The following ARHGAP39 variants were observed in gnomAD, a reference collection of about 807,000 sequenced individuals.
The protein encoded by ARHGAP39 is Rho GTPase activating protein 39, also known as rho GTPase-activating protein 39.
ARHGAP39 carries 44 observed loss-of-function variants against 106.9 expected under a neutral mutation model. The observed-to-expected ratio is 0.41, with a 90% CI of 0.32 to 0.53. The LOEUF is 0.53. ARHGAP39 is among the 20% of genes least tolerant of loss of function. The probability of loss-of-function intolerance (pLI) is 0.21; values close to 1 mark genes in which losing one functional copy is unlikely to be tolerated. For missense variants in ARHGAP39, 1,496 were observed against 1,577.3 expected, an observed-to-expected ratio of 0.95 and a Z score of 0.87; for synonymous variants, 768 against 693.2, an observed-to-expected ratio of 1.11 and a Z score of -1.69.
chr8:144,665,524 G>A (rs190171191), intron 1 of ARHGAP39, among the ~76,000 whole-genome samples: 168 of 152,330 alleles, frequency 1.1e-3, no homozygotes, highest in African/African-American at 3.5e-3. Flanking sequence ...AAGTAGTTTT[G>A]TGGGCCAGGC....
rs568091668 is a variant in ARHGAP39, at chr8:144,596,781, G to A, written c.80+8754C>T. On this transcript the variant is annotated intron_variant, in intron 2 of 11. Coordinates refer to ENST00000377307, the MANE Select transcript of ARHGAP39 (RefSeq NM_025251.3). ...CACAGACAGAGGACCCACTGGTGCCGCAGGACCTGGCACGTGCTGCAGGAG... is the reference window on the plus strand; with the variant it reads ...CACAGACAGAGGACCCACTGGTGCCACAGGACCTGGCACGTGCTGCAGGAG... 5.9e-5 allele frequency among the ~76,000 whole-genome samples: 9 copies of A among 152,332 alleles called. 1 individual carries two copies. In the South Asian group the frequency reaches 1.7e-3, roughly 28 times the overall value.
intron 6 of ARHGAP39, among the ~76,000 whole-genome samples, chr8:144,539,588 A>G (rs1191699825): frequency 1.3e-5 from 2 of 152,206 alleles, no homozygotes; most frequent in Non-Finnish European, 2.9e-5. Context: ...TTTTGTGTAC[A>G]CTTCAAAATA....
At chr8:144,580,725 G>T (rs1235373598) in intron 3 of ARHGAP39, 121 bp downstream of exon 3, 1 of 1,020,898 alleles carries the variant, frequency 9.8e-7, no homozygotes, top group Admixed American at 5.7e-5. Context: ...ACCTGGCCCC[G>T]CCCACCACCT....
At position 144,577,821 on chromosome 8, in the gene ARHGAP39, T is replaced by G. The variant is rs190873295; in HGVS notation, c.512+3025A>C. On this transcript the variant is annotated intron_variant, in intron 3 of 11. Coordinates refer to ENST00000377307, the MANE Select transcript of ARHGAP39 (RefSeq NM_025251.3). ...CTAGGAAGAAACTTTACCAGGGAGGTGAAAGGACTGTAAACTAGAAAATAT... is the reference window on the plus strand; with the variant it reads ...CTAGGAAGAAACTTTACCAGGGAGGGGAAAGGACTGTAAACTAGAAAATAT... Among the ~76,000 whole-genome samples, 4 of 151,896 alleles carry G rather than the reference T, an allele frequency of 2.6e-5. No individual in the cohort carries two copies. The East Asian group carries it at 7.7e-4, about 29-fold the overall frequency.
Position 144,620,063 on chromosome 8 carries a change from CGT to C in ARHGAP39, c.-81-14370_-81-14369del, listed in dbSNP as rs921844469. Among the ~76,000 whole-genome samples the C allele has an allele frequency of 2.7e-4, 37 of 135,308 alleles. 1 individual carries two copies. The highest frequency in any genetic ancestry group is 3.8e-4 in the Admixed American group (5 of 13,162). 88.8% of individuals were successfully genotyped at this position (135,308 alleles called of 152,430 possible). On this transcript the variant is annotated intron_variant, in intron 1 of 11. Transcript: ENST00000377307. ...TTGTGTGCCTGTGCGTCCCTGAGAG[CGT>C]GTCTGTGTGTGCCCGAGTGTGCGTT...
chr8:144,601,681 T>G (rs1356431645), intron 2 of ARHGAP39, among the ~76,000 whole-genome samples: 1 of 136,826 alleles, frequency 7.3e-6, no homozygotes, highest in Non-Finnish European at 1.5e-5. Context: ...TGCGAGCTCA[T>G]GTACCTGTGT....
chr8:144,690,832 T>G (rs1178065752), upstream of ARHGAP39, among the ~76,000 whole-genome samples: 1 of 144,534 alleles, frequency 6.9e-6, no homozygotes, highest in Non-Finnish European at 1.5e-5. Flanking sequence ...TTTTTTTTTG[T>G]AGTTTTGTAG....
At chr8:144,636,556 C>T (rs1821177436) in intron 1 of ARHGAP39, among the ~76,000 whole-genome samples, 1 of 152,214 alleles carries the variant, frequency 6.6e-6, no homozygotes, top group African/African-American at 2.4e-5. Flanking sequence ...GGGCGGGACG[C>T]CTGGTACATC....
chr8:144,552,022 G>A (rs906920565), intron 4 of ARHGAP39, among the ~76,000 whole-genome samples: 4 of 152,194 alleles, frequency 2.6e-5, no homozygotes, highest in Non-Finnish European at 4.4e-5. Context: ...TAGGGCAGGG[G>A]CACCAGAGCA....
At chr8:144,659,598 G>A (rs969270633) in intron 1 of ARHGAP39, among the ~76,000 whole-genome samples, 1 of 152,190 alleles carries the variant, frequency 6.6e-6, no homozygotes, top group Non-Finnish European at 1.5e-5. Context: ...TTAATTGGAG[G>A]ACATTTTCTA....
At chr8:144,694,639 A>T in the ARHGAP39 span, among the ~76,000 whole-genome samples, 2 of 152,204 alleles carry the variant, frequency 1.3e-5, no homozygotes, top group African/African-American at 2.4e-5. Context: ...CCTTTGTGTT[A>T]TGCACCTGCT....
At chr8:144,595,125 C>T (rs955354383) in intron 2 of ARHGAP39, among the ~76,000 whole-genome samples, 2 of 152,200 alleles carry the variant, frequency 1.3e-5, no homozygotes, top group Non-Finnish European at 2.9e-5. Flanking sequence ...AACGTCTTCA[C>T]ACAGAAATCT....
rs951339639 is a variant in ARHGAP39 at position 144,548,553 on chromosome 8, C to T, written c.597-64G>A. The stretch of plus-strand genomic sequence containing the variant: ...TGCTGCTTCTGGGCACGCCCCACCC[C>T]CTCGGGGGCTGTAGGCAGCGGCTCC... On this transcript the variant is annotated intron_variant, in intron 4 of 11. Transcript: ENST00000377307. This position sits in a 1 kb window ranked among gnomAD's most constrained non-coding sequence, Gnocchi z 7.4. The T allele has an allele frequency of 1.3e-6, 2 of 1,548,234 alleles. No homozygotes were observed. Among genetic ancestry groups the T allele is most frequent in the Non-Finnish European group, 1.7e-6 (2 of 1,151,058 alleles).
At chr8:144,589,929 G>A (rs931462627) in intron 2 of ARHGAP39, among the ~76,000 whole-genome samples, 3 of 152,230 alleles carry the variant, frequency 2.0e-5, no homozygotes, top group Non-Finnish European at 2.9e-5. Context: ...ATGCGTGGGA[G>A]CCCCGCCCAC....
chr8:144,550,306 C>T (rs558410747), intron 4 of ARHGAP39, among the ~76,000 whole-genome samples: 1 of 151,248 alleles, frequency 6.6e-6, no homozygotes, highest in Non-Finnish European at 1.5e-5. Context: ...ATAAAAAGAA[C>T]CCCAGGAATT....
At chr8:144,575,156 T>C (rs999720052) in intron 3 of ARHGAP39, among the ~76,000 whole-genome samples, 1 of 152,204 alleles carries the variant, frequency 6.6e-6, no homozygotes, top group Non-Finnish European at 1.5e-5. Context: ...ACTGGGCACT[T>C]ACCAGGAACA....
intron 1 of ARHGAP39, among the ~76,000 whole-genome samples, chr8:144,608,374 C>G (rs1342198245): frequency 6.6e-6 from 1 of 152,084 alleles, no homozygotes; most frequent in Non-Finnish European, 1.5e-5. Flanking sequence ...CACCTGCTTT[C>G]CATCCTCAGT....
intron 3 of ARHGAP39, among the ~76,000 whole-genome samples, chr8:144,570,355 G>A (rs139686597): frequency 1.5e-4 from 23 of 152,334 alleles, no homozygotes; most frequent in Admixed American, 2.6e-4. Flanking sequence ...CAAAAGACGG[G>A]TGTTTGGACT....
At chr8:144,615,725 C>T (rs746087698) in intron 1 of ARHGAP39, among the ~76,000 whole-genome samples, 15 of 152,236 alleles carry the variant, frequency 9.9e-5, no homozygotes, top group African/African-American at 1.7e-4. Context: ...TTAGTTTTCC[C>T]GGTTCTGAAC....
Sources: allele counts gnomAD v4.1 joint callset (sites outside exome capture counted in the v4.1 genomes callset), GRCh38; gene constraint gnomAD v4.1.1; non-coding constraint Gnocchi (gnomAD v3.1); transcripts MANE v1.5; gene names NCBI Gene and HGNC (gene_info 2026-07-23, HGNC 2026-07-21).